PLA2R1: variants seen among roughly 807,000 people sequenced by gnomAD.
PLA2R1 encodes the protein phospholipase A2 receptor 1.
PLA2R1 carries 158 observed loss-of-function variants against 195.9 expected under a neutral mutation model. The observed-to-expected ratio is 0.81, with a 90% CI of 0.71 to 0.92. The LOEUF is 0.92. PLA2R1 is among the 40% of genes least tolerant of loss of function. The pLI is 0.00. For synonymous variants in PLA2R1, 586 were observed against 598.2 expected (o/e 0.98, Z 0.30); for missense variants, 1,626 against 1,764.6 (o/e 0.92, Z 1.41).
chr2:160,025,719 CA>C (rs1403839474), intron 6 of PLA2R1, among the ~76,000 whole-genome samples: 1 of 146,956 alleles, frequency 6.8e-6, no homozygotes, highest in African/African-American at 2.5e-5. Flanking sequence ...AAGGAAGAAA[CA>C]AAGAATCTAT....
intron 1 of PLA2R1, among the ~76,000 whole-genome samples, chr2:160,061,327 C>T (rs965364114): frequency 6.6e-6 from 1 of 152,196 alleles, no homozygotes; most frequent in Non-Finnish European, 1.5e-5. Context: ...TCTCCTCCCT[C>T]TCTTTACACA....
intron 11 of PLA2R1, among the ~76,000 whole-genome samples, chr2:159,991,217 C>G (rs1358928549): frequency 2.6e-5 from 4 of 152,194 alleles, no homozygotes; most frequent in Non-Finnish European, 5.9e-5. Flanking sequence ...TGTGTGGCCA[C>G]AGCATTTCCT....
chr2:160,051,268 C>T (rs867047717), intron 1 of PLA2R1, among the ~76,000 whole-genome samples: 46 of 152,316 alleles, frequency 3.0e-4, no homozygotes, highest in Middle Eastern at 3.4e-3. Context: ...AAGTGCAATG[C>T]TTAAGACAAG....
intron 11 of PLA2R1, among the ~76,000 whole-genome samples, chr2:159,996,113 T>C (rs1691192308): frequency 6.6e-6 from 1 of 152,146 alleles, no homozygotes; most frequent in Non-Finnish European, 1.5e-5. Context: ...TTTACCTTCA[T>C]TTATTCTCTG....
At chr2:160,049,632 C>G (rs1400671033) in intron 1 of PLA2R1, among the ~76,000 whole-genome samples, 1 of 152,022 alleles carries the variant, frequency 6.6e-6, no homozygotes, top group Non-Finnish European at 1.5e-5. Context: ...CTTTGGGAGG[C>G]TAAGGCAGGC....
intron 25 of PLA2R1, 76 bp downstream of exon 25, chr2:159,949,532 T>C (rs1668161050): frequency 9.4e-7 from 1 of 1,063,782 alleles, no homozygotes; most frequent in Non-Finnish European, 1.4e-6. Flanking sequence ...CATCCTCATA[T>C]CCTTTGCTTA....
intron 11 of PLA2R1, among the ~76,000 whole-genome samples, chr2:159,991,375 A>T (rs1218520668): frequency 1.3e-5 from 2 of 151,868 alleles, no homozygotes; most frequent in Non-Finnish European, 2.9e-5. Context: ...GATGAGCCTT[A>T]AAATGGATTG....
At chr2:160,013,124 T>C in intron 10 of PLA2R1, 139 bp downstream of exon 10, 1 of 414,472 alleles carries the variant, frequency 2.4e-6, no homozygotes, top group Non-Finnish European at 4.4e-6. Flanking sequence ...TTCATCTCAA[T>C]AAATAACTTA....
intron 13 of PLA2R1, among the ~76,000 whole-genome samples, chr2:159,980,555 T>C (rs1323024195): frequency 1.3e-5 from 2 of 152,202 alleles, no homozygotes; most frequent in Admixed American, 1.3e-4. Flanking sequence ...TTTTTTCAGA[T>C]ATCAACACAA....
At chr2:160,037,236 G>A (rs527484810) in intron 3 of PLA2R1, among the ~76,000 whole-genome samples, 2 of 152,134 alleles carry the variant, frequency 1.3e-5, no homozygotes, top group Non-Finnish European at 2.9e-5. Context: ...TAGAGCCAGA[G>A]TAATCCTTAA....
intron 19 of PLA2R1, 30 bp downstream of exon 19, chr2:159,969,226 A>C (rs750135083): frequency 7.0e-5 from 82 of 1,176,064 alleles, no homozygotes; most frequent in Non-Finnish European, 6.7e-5. Context: ...AGTTTGTATT[A>C]TAAACCCAAA....
At chr2:159,992,373 GACAA>G (rs1289132977) in intron 11 of PLA2R1, among the ~76,000 whole-genome samples, 3 of 150,444 alleles carry the variant, frequency 2.0e-5, no homozygotes, top group East Asian at 3.9e-4. Context: ...ACCAACAACA[GACAA>G]ACAGAGAGCC....
chr2:160,039,313 C>T (rs1694375091), intron 3 of PLA2R1, among the ~76,000 whole-genome samples: 1 of 152,104 alleles, frequency 6.6e-6, no homozygotes, highest in Admixed American at 6.5e-5. Context: ...AGGCACACAA[C>T]CAAGAGAGTC....
chr2:159,941,925 T>G lies in PLA2R1; in HGVS notation c.4245A>C (p.Thr1415=). 1 of 1,613,964 alleles carries G rather than the reference T, an allele frequency of 6.2e-7. No individual in the cohort carries two copies. The highest frequency in any genetic ancestry group is 8.5e-7 in the Non-Finnish European group (1 of 1,179,882). ...TATGCTTGTATATGCAGAAGGAAAGTGTGCAAATGGCCACAATGACTATCA... is the reference window on the plus strand; with the variant it reads ...TATGCTTGTATATGCAGAAGGAAAGGGTGCAAATGGCCACAATGACTATCA... ...LTLIVIVAIC[T]LSFCIYKHNG... The change falls in exon 30 of 30, where the codon ACA becomes ACC. Residue 1415 remains threonine, a synonymous_variant. Transcript: ENST00000283243.
At chr2:159,955,051 T>C in intron 23 of PLA2R1, 148 bp downstream of exon 23, 1 of 605,128 alleles carries the variant, frequency 1.7e-6, no homozygotes, top group East Asian at 2.9e-5. Context: ...ATTAAATAAC[T>C]AAACTTATGT....
At chr2:160,010,410 C>A (rs559189926) in intron 10 of PLA2R1, among the ~76,000 whole-genome samples, 1 of 152,218 alleles carries the variant, frequency 6.6e-6, no homozygotes, top group Non-Finnish European at 1.5e-5. Flanking sequence ...TTTTCTTCCC[C>A]TCTCTATTCC....
chr2:159,971,994 A>G (rs1002960923), intron 17 of PLA2R1, among the ~76,000 whole-genome samples: 1 of 152,174 alleles, frequency 6.6e-6, no homozygotes, highest in Non-Finnish European at 1.5e-5. Context: ...GAATGGGTCC[A>G]CTGAGACTGG....
intron 28 of PLA2R1, among the ~76,000 whole-genome samples, chr2:159,944,399 AATT>A (rs1344451891): frequency 1.3e-5 from 2 of 152,118 alleles, no homozygotes; most frequent in African/African-American, 4.8e-5. Context: ...AGATTTCTAA[AATT>A]ATTGTTTTTT....
intron 4 of PLA2R1, among the ~76,000 whole-genome samples, chr2:160,031,435 T>A (rs1167172671): frequency 6.6e-6 from 1 of 152,218 alleles, no homozygotes; most frequent in Non-Finnish European, 1.5e-5. Flanking sequence ...ATAACCAGAT[T>A]ACCAAACTGT....
Sources: gnomAD v4.1 joint callset for allele counts (sites outside exome capture counted in the v4.1 genomes callset) on GRCh38, gnomAD v4.1.1 for gene constraint, MANE v1.5 for transcripts, NCBI Gene and HGNC (gene_info 2026-07-23, HGNC 2026-07-21) for gene names.